Variants in ATP8A2 observed in about 807,000 individuals in gnomAD.
The protein encoded by ATP8A2 is phospholipid-transporting ATPase IB.
In ATP8A2, 100 loss-of-function variants were observed where a neutral mutation model predicts 165.6. The ratio of observed to expected loss-of-function variants is 0.60; its 90% CI spans 0.51 to 0.71. ATP8A2 has a LOEUF of 0.71. Among genes scored for constraint, ATP8A2 ranks in the 30% least tolerant of loss-of-function variants. The probability of loss-of-function intolerance (pLI) is 0.00; values close to 1 mark genes in which losing one functional copy is unlikely to be tolerated. For missense variants in ATP8A2, 1,227 were observed against 1,479.5 expected, an observed-to-expected ratio of 0.83 and a Z score of 2.80; for synonymous variants, 543 against 548.8, an observed-to-expected ratio of 0.99 and a Z score of 0.15.
At chr13:25,659,240 T>A (rs1437528543) in intron 24 of ATP8A2, among the ~76,000 whole-genome samples, 1 of 152,216 alleles carries the variant, frequency 6.6e-6, no homozygotes, top group Non-Finnish European at 1.5e-5. Flanking sequence ...GAAAAAGTTC[T>A]TTCTAAAAGC....
At chr13:25,769,314 T>A in intron 26 of ATP8A2, 85 bp downstream of exon 26, 1 of 1,320,012 alleles carries the variant, frequency 7.6e-7, no homozygotes, top group South Asian at 1.4e-5. Flanking sequence ...CTTCAGTGCA[T>A]CTCCAAACCT....
At chr13:25,970,000 AC>A (rs1173688785) in intron 35 of ATP8A2, among the ~76,000 whole-genome samples, 10 of 152,198 alleles carry the variant, frequency 6.6e-5, no homozygotes, top group African/African-American at 2.4e-4. Context: ...CTGAAAAAAA[AC>A]ATATTCATAA....
intron 4 of ATP8A2, among the ~76,000 whole-genome samples, chr13:25,531,397 A>ATTATATATATG (rs2038092556): frequency 4.5e-5 from 2 of 44,712 alleles, no homozygotes; most frequent in African/African-American, 1.4e-4. Flanking sequence ...TATATATATG[A>ATTATATATATG]TTATATATAT....
chr13:25,540,082 A>C (rs1382805416), intron 7 of ATP8A2, among the ~76,000 whole-genome samples: 1 of 152,136 alleles, frequency 6.6e-6, no homozygotes, highest in Non-Finnish European at 1.5e-5. Flanking sequence ...CTCAGCAGTC[A>C]TTATGTGGGG....
chr13:25,989,703 T>C (rs944323694), intron 35 of ATP8A2, among the ~76,000 whole-genome samples: 5 of 152,190 alleles, frequency 3.3e-5, no homozygotes, highest in Admixed American at 1.3e-4. Flanking sequence ...CCAGACACTT[T>C]AAAGTTGATC....
chr13:25,530,521 T>C (rs1206578595), intron 3 of ATP8A2, 41 bp from the exon 4 acceptor site: 2 of 1,240,662 alleles, frequency 1.6e-6, no homozygotes, highest in South Asian at 2.6e-5. Context: ...GAGAGGATTT[T>C]TAATGTGCCA....
At chr13:25,638,399 G>A (rs2137550617) in intron 24 of ATP8A2, among the ~76,000 whole-genome samples, 1 of 152,324 alleles carries the variant, frequency 6.6e-6, no homozygotes, top group Middle Eastern at 3.4e-3. Context: ...AACCAGTGTA[G>A]AGAAGTCCTT....
intron 25 of ATP8A2, among the ~76,000 whole-genome samples, chr13:25,759,867 AC>A (rs1305733339): frequency 3.9e-5 from 6 of 152,196 alleles, no homozygotes; most frequent in Admixed American, 6.5e-5. Context: ...AATACATTCC[AC>A]ATCATTTAGT....
At chr13:25,481,993 T>A (rs773359489) in intron 2 of ATP8A2, among the ~76,000 whole-genome samples, 1 of 152,130 alleles carries the variant, frequency 6.6e-6, no homozygotes, top group Admixed American at 6.6e-5. Context: ...AGGACACAGT[T>A]CAGTCCATAG....
intron 24 of ATP8A2, among the ~76,000 whole-genome samples, chr13:25,644,348 A>G (rs2041615120): frequency 6.6e-6 from 1 of 152,166 alleles, no homozygotes; most frequent in Non-Finnish European, 1.5e-5. Flanking sequence ...CATTCTGTTA[A>G]TATAGTGTAT....
At chr13:25,479,905 A>G (rs1593371821) in intron 2 of ATP8A2, among the ~76,000 whole-genome samples, 1 of 152,120 alleles carries the variant, frequency 6.6e-6, no homozygotes, top group East Asian at 1.9e-4. Flanking sequence ...CCACACAGAC[A>G]CGGCAACCAT....
At chr13:25,744,520 G>T (rs888687680) in intron 25 of ATP8A2, among the ~76,000 whole-genome samples, 2 of 152,164 alleles carry the variant, frequency 1.3e-5, no homozygotes, top group Non-Finnish European at 2.9e-5. Flanking sequence ...TTTTTATACA[G>T]ATTGTTCTGT....
chr13:25,773,359 C>T (rs545559429), intron 26 of ATP8A2, among the ~76,000 whole-genome samples: 2 of 152,266 alleles, frequency 1.3e-5, no homozygotes, highest in African/African-American at 2.4e-5. Flanking sequence ...ACACCACGCA[C>T]CAGACCAGAG....
At chr13:25,682,245 C>A (rs78372234) in intron 24 of ATP8A2, among the ~76,000 whole-genome samples, 1 of 152,066 alleles carries the variant, frequency 6.6e-6, no homozygotes, top group African/African-American at 2.4e-5. Context: ...CTTGACCTTC[C>A]ACTCTTATTG....
intron 35 of ATP8A2, among the ~76,000 whole-genome samples, chr13:25,979,030 AGGCCCCT>A (rs1182278371): frequency 6.6e-6 from 1 of 150,740 alleles, no homozygotes; most frequent in Non-Finnish European, 1.5e-5. Context: ...ATGTCCTCCC[AGGCCCCT>A]GACGTGGTCT....
rs1053726916 is a variant in ATP8A2, at chr13:25,779,572, C to CT, written c.2679+4622dup. Among the ~76,000 whole-genome samples the CT allele has an allele frequency of 1.9e-3, 281 of 151,272 alleles. 1 individual carries two copies. The highest frequency in any genetic ancestry group is 2.9e-3 in the Non-Finnish European group (198 of 67,702). On this transcript the variant is annotated intron_variant, in intron 27 of 36. Coordinates refer to ENST00000381655, the MANE Select transcript of ATP8A2 (RefSeq NM_016529.6). ...GTATTGCCATTGGAAGCTGGGATTCCTTTTTTTTTCTTCTCTTTTTGCAAT... is the reference window on the plus strand; with the variant it reads ...GTATTGCCATTGGAAGCTGGGATTCCTTTTTTTTTTCTTCTCTTTTTGCAAT...
intron 33 of ATP8A2, among the ~76,000 whole-genome samples, chr13:25,914,200 T>G (rs1264009178): frequency 6.6e-6 from 1 of 152,222 alleles, no homozygotes; most frequent in African/African-American, 2.4e-5. Flanking sequence ...AGTGTGTTTT[T>G]CCTTAGAGTT....
At chr13:25,489,130 G>A (rs1255757054) in intron 2 of ATP8A2, among the ~76,000 whole-genome samples, 1 of 152,070 alleles carries the variant, frequency 6.6e-6, no homozygotes, top group East Asian at 1.9e-4. Context: ...GATTGCTGGT[G>A]GTTATCGTTC....
intron 32 of ATP8A2, among the ~76,000 whole-genome samples, 155 bp downstream of exon 32, chr13:25,861,015 T>C (rs540723388): frequency 2.6e-5 from 4 of 152,324 alleles, no homozygotes; most frequent in Middle Eastern, 3.4e-3. Flanking sequence ...CAGGGTAAAT[T>C]TGCAATCCAA....
Sources: allele counts gnomAD v4.1 joint callset (sites outside exome capture counted in the v4.1 genomes callset), GRCh38; gene constraint gnomAD v4.1.1; transcripts MANE v1.5; gene names NCBI Gene and HGNC (gene_info 2026-07-23, HGNC 2026-07-21).